The following RNF144A variants were observed in gnomAD, a reference collection of about 807,000 sequenced individuals.
RNF144A encodes ring finger protein 144A.
In RNF144A, 11 loss-of-function variants were observed where a neutral mutation model predicts 38.7. That is an observed-to-expected ratio of 0.28 (90% CI 0.18 to 0.47). The LOEUF is 0.47. Among genes scored for constraint, RNF144A ranks in the 20% least tolerant of loss-of-function variants. RNF144A has a pLI of 0.99. For missense variants in RNF144A, 316 were observed against 377.2 expected (o/e 0.84, Z 1.34); for synonymous variants, 149 against 143.9 (o/e 1.04, Z -0.25).
At chr2:7,000,151 G>A (rs1269801531) in intron 3 of RNF144A, among the ~76,000 whole-genome samples, 1 of 152,250 alleles carries the variant, frequency 6.6e-6, no homozygotes, top group African/African-American at 2.4e-5. Context: ...ACAAGAGCCT[G>A]TGCACATGTT....
chr2:6,956,064 A>G (rs1323966919), intron 2 of RNF144A, among the ~76,000 whole-genome samples: 1 of 152,190 alleles, frequency 6.6e-6, no homozygotes, highest in Non-Finnish European at 1.5e-5. Context: ...ACATGGCTTC[A>G]AGCCCTCTGG....
At chr2:6,919,341 C>T (rs1371546468) in intron 1 of RNF144A, among the ~76,000 whole-genome samples, 4 of 152,244 alleles carry the variant, frequency 2.6e-5, no homozygotes, top group Admixed American at 2.6e-4. Context: ...ATTGTATTCT[C>T]TTCTCCGGTA....
intron 1 of RNF144A, among the ~76,000 whole-genome samples, chr2:6,935,009 C>G (rs11694872): frequency 0.33 from 50,083 of 152,076 alleles, 8,595 homozygotes; most frequent in South Asian, 0.41. Flanking sequence ...GTCTGTGCTT[C>G]TCATTGCCAC....
chr2:7,062,517 AGAAAG>A (rs1436627985), intron 6 of RNF144A, among the ~76,000 whole-genome samples: 2 of 144,482 alleles, frequency 1.4e-5, no homozygotes, highest in Non-Finnish European at 3.1e-5. Flanking sequence ...AAAAAAAAAA[AGAAAG>A]AAATAGAAAG....
At chr2:7,026,958 G>A (rs1671943415) in intron 7 of RNF144A, among the ~76,000 whole-genome samples, 1 of 152,212 alleles carries the variant, frequency 6.6e-6, no homozygotes, top group Non-Finnish European at 1.5e-5. Flanking sequence ...GCCAGAGGAA[G>A]CGGATGTGAA....
In RNF144A at chr2:6,958,454, A is replaced by G. The variant is rs1054774184; in HGVS notation, c.-12+17307A>G. Among the ~76,000 whole-genome samples, 1 of 152,204 alleles carries G rather than the reference A, an allele frequency of 6.6e-6. No individual in the cohort carries two copies. ...TTAAAGTTCTCGGGCCAGATGTCTT[A>G]GTGATTCATGGTGCTCTCAGCATAG... On this transcript the variant is annotated intron_variant, in intron 2 of 8. Transcript: ENST00000320892. This position sits in a 1 kb window ranked among gnomAD's most constrained non-coding sequence, Gnocchi z 4.5.
At chr2:6,949,615 A>G (rs573743830) in intron 2 of RNF144A, among the ~76,000 whole-genome samples, 86 of 152,232 alleles carry the variant, frequency 5.6e-4, no homozygotes, top group Non-Finnish European at 1.1e-3. Context: ...GGTCGAAGAG[A>G]CCATGGAGTG....
chr2:6,994,195 A>G (rs1185850474), intron 2 of RNF144A, among the ~76,000 whole-genome samples: 3 of 152,140 alleles, frequency 2.0e-5, no homozygotes, highest in Non-Finnish European at 4.4e-5. Flanking sequence ...GTCAAAAAAC[A>G]AGCTCTCCCC....
At chr2:7,002,420 C>T (rs914051747) in intron 3 of RNF144A, among the ~76,000 whole-genome samples, 37 of 152,202 alleles carry the variant, frequency 2.4e-4, no homozygotes, top group African/African-American at 8.7e-4. Context: ...GGTTACAGCA[C>T]AGAGAGAACA....
chr2:6,984,091 T>G (rs890021764), intron 2 of RNF144A, among the ~76,000 whole-genome samples: 1 of 152,142 alleles, frequency 6.6e-6, no homozygotes, highest in Non-Finnish European at 1.5e-5. Flanking sequence ...GGGTGCTCAG[T>G]GCACAGTCTC....
At chr2:7,069,052 T>A (rs1388515159), downstream of RNF144A, among the ~76,000 whole-genome samples, 6 of 152,192 alleles carry the variant, frequency 3.9e-5, no homozygotes, top group African/African-American at 1.4e-4. Flanking sequence ...TTGCCCTAAG[T>A]CAATAGTAGC....
downstream of RNF144A, among the ~76,000 whole-genome samples, chr2:7,072,223 T>C (rs1402989218): frequency 1.3e-5 from 2 of 152,260 alleles, no homozygotes; most frequent in Admixed American, 6.5e-5. Context: ...TGGTAGACTT[T>C]GGAAGCTACA....
At chr2:7,030,655 G>A (rs1672239559) in intron 8 of RNF144A, among the ~76,000 whole-genome samples, 1 of 152,042 alleles carries the variant, frequency 6.6e-6, no homozygotes, top group Non-Finnish European at 1.5e-5. Flanking sequence ...CGAGGTCAGT[G>A]GTCCCCAACC....
At chr2:6,985,268 CTCTTTTTTTTTTTT>C (rs896974913) in intron 2 of RNF144A, among the ~76,000 whole-genome samples, 1 of 128,614 alleles carries the variant, frequency 7.8e-6, no homozygotes, top group Non-Finnish European at 1.6e-5. Context: ...TCCCTCCCCC[CTCTTTTTTTTTTTT>C]TTTTTTTTTT....
At chr2:7,064,290 C>T (rs1391292867) in intron 6 of RNF144A, among the ~76,000 whole-genome samples, 1 of 151,854 alleles carries the variant, frequency 6.6e-6, no homozygotes, top group Non-Finnish European at 1.5e-5. Flanking sequence ...GCAGGATTTG[C>T]CAAACATGCT....
At chr2:7,001,129 G>A (rs1423265734) in intron 3 of RNF144A, among the ~76,000 whole-genome samples, 12 of 151,698 alleles carry the variant, frequency 7.9e-5, no homozygotes, top group East Asian at 1.9e-4. Flanking sequence ...TTGAAACCCC[G>A]TCTCTACTAA....
intron 1 of RNF144A, among the ~76,000 whole-genome samples, chr2:6,925,965 G>A (rs1216694992): frequency 3.3e-5 from 5 of 152,204 alleles, no homozygotes; most frequent in African/African-American, 1.2e-4. Context: ...GTTTGGATGT[G>A]TTAGCATATG....
chr2:6,941,769 A>AG lies in RNF144A; in HGVS notation c.-12+624dup, dbSNP rs529182314. Reference sequence around the variant, plus strand: ...GTGAAATTGAACATGCACTTTAAGGAGGCGCAGTAACTAGCCACTTAGCAT... The same window carrying AG: ...GTGAAATTGAACATGCACTTTAAGGAGGGCGCAGTAACTAGCCACTTAGCAT... On this transcript the variant is annotated intron_variant, in intron 2 of 8. Coordinates refer to ENST00000320892, the MANE Select transcript of RNF144A (RefSeq NM_014746.6). This position sits in a 1 kb window ranked among gnomAD's most constrained non-coding sequence, Gnocchi z 6.5. 7.9e-5 allele frequency among the ~76,000 whole-genome samples: 12 copies of AG among 152,248 alleles called. No individual in the cohort carries two copies. Among genetic ancestry groups the AG allele is most frequent in the Admixed American group, 2.6e-4 (4 of 15,292 alleles).
chr2:7,010,708 C>T (rs575442359), intron 3 of RNF144A, among the ~76,000 whole-genome samples: 10 of 152,242 alleles, frequency 6.6e-5, no homozygotes, highest in Non-Finnish European at 8.8e-5. Flanking sequence ...CCTTTCTTCC[C>T]TCTGTGTGGC....
Sources: allele counts gnomAD v4.1 joint callset (sites outside exome capture counted in the v4.1 genomes callset), GRCh38; gene constraint gnomAD v4.1.1; non-coding constraint Gnocchi (gnomAD v3.1); transcripts MANE v1.5; gene names NCBI Gene and HGNC (gene_info 2026-07-23, HGNC 2026-07-21).